SPRED2: variants seen among roughly 807,000 people sequenced by gnomAD.
SPRED2 encodes sprouty-related, EVH1 domain-containing protein 2.
A neutral mutation model predicts 43.0 loss-of-function variants in SPRED2; 47 were observed. The observed-to-expected ratio is 1.09, with a 90% CI of 0.87 to 1.40. The LOEUF is 1.40. SPRED2 is among the 40% of genes most tolerant of loss of function. The pLI is 0.00. For missense variants in SPRED2, 561 were observed against 586.4 expected, an observed-to-expected ratio of 0.96 and a Z score of 0.45; for synonymous variants, 225 against 225.7, an observed-to-expected ratio of 1.00 and a Z score of 0.03.
chr2:65,326,847 A>C (rs1042427830), intron 4 of SPRED2, among the ~76,000 whole-genome samples: 3 of 151,972 alleles, frequency 2.0e-5, no homozygotes, highest in African/African-American at 7.3e-5. Flanking sequence ...TTAAAAAAAC[A>C]ATTTTTTTTT....
chr2:65,373,830 T>C (rs1292013877), intron 1 of SPRED2: 1 of 152,230 alleles, frequency 6.6e-6, no homozygotes, highest in Non-Finnish European at 1.5e-5. Flanking sequence ...TTATCTTTTA[T>C]TGGCTTCTAC....
intron 3 of SPRED2, among the ~76,000 whole-genome samples, chr2:65,332,626 G>A (rs1409734039): frequency 6.6e-6 from 1 of 152,172 alleles, no homozygotes; most frequent in Non-Finnish European, 1.5e-5. Context: ...CCTGTGCAAG[G>A]GGGTTTCCTC....
intron 1 of SPRED2, among the ~76,000 whole-genome samples, chr2:65,431,074 C>T (rs1011235774): frequency 4.6e-5 from 7 of 152,006 alleles, no homozygotes; most frequent in Non-Finnish European, 7.4e-5. Context: ...GGCAGCTGCA[C>T]CTCCGCCCCG....
intron 2 of SPRED2, among the ~76,000 whole-genome samples, chr2:65,336,718 C>A (rs542375685): frequency 6.6e-6 from 1 of 152,328 alleles, no homozygotes; most frequent in East Asian, 1.9e-4. Flanking sequence ...AAAACAAAGA[C>A]TCCTAGTTTC....
intron 1 of SPRED2, among the ~76,000 whole-genome samples, chr2:65,399,011 G>A (rs1675819592): frequency 6.6e-6 from 1 of 152,204 alleles, no homozygotes; most frequent in Non-Finnish European, 1.5e-5. Flanking sequence ...GGGCGCGGTG[G>A]CTCATGCCTG....
At chr2:65,347,460 C>A (rs1674385582) in intron 1 of SPRED2, among the ~76,000 whole-genome samples, 1 of 151,960 alleles carries the variant, frequency 6.6e-6, no homozygotes, top group East Asian at 1.9e-4. Context: ...CTTCACATGG[C>A]CTCCTACCCC....
intron 2 of SPRED2, among the ~76,000 whole-genome samples, chr2:65,342,193 C>CGTATATTATGTATGTATATTTTATATAA (rs1674206739): frequency 6.8e-6 from 1 of 146,270 alleles, no homozygotes; most frequent in African/African-American, 2.5e-5. Flanking sequence ...ATTTTATATA[C>CGTATATTATGTATGTATATTTTATATAA]GTATATTATG....
At chr2:65,392,392 T>G (rs1675660633) in intron 1 of SPRED2, among the ~76,000 whole-genome samples, 1 of 151,824 alleles carries the variant, frequency 6.6e-6, no homozygotes, top group Admixed American at 6.6e-5. Context: ...CCCAGGCTGG[T>G]CTCGAACTCT....
chr2:65,342,505 A>G (rs887356125), intron 2 of SPRED2, among the ~76,000 whole-genome samples: 12 of 151,044 alleles, frequency 7.9e-5, no homozygotes, highest in African/African-American at 2.9e-4. Context: ...TGTATATTTT[A>G]TATCCCTCAA....
In SPRED2 at chr2:65,376,859, C is replaced by T. The variant is rs546348148; in HGVS notation, c.27-31963G>A. The stretch of plus-strand genomic sequence containing the variant: ...CCTCCTGAGTAGCTGGGACTACAGA[C>T]GCCCGCCACCATGCCCGGCTAATTT... On this transcript the variant is annotated intron_variant, in intron 1 of 5. Coordinates refer to ENST00000356388, the MANE Select transcript of SPRED2 (RefSeq NM_181784.3). Among the ~76,000 whole-genome samples, 26 of 152,204 alleles carry T rather than the reference C, an allele frequency of 1.7e-4. No homozygotes were observed. The South Asian group carries it at 3.1e-3, about 18-fold the overall frequency.
At chr2:65,377,466 C>T (rs1675268417) in intron 1 of SPRED2, 1 of 401,304 alleles carries the variant, frequency 2.5e-6, no homozygotes, top group East Asian at 7.3e-5. Context: ...CTCCTCTTGC[C>T]GACCCCCCAA....
At chr2:65,355,490 G>A (rs922895066) in intron 1 of SPRED2, among the ~76,000 whole-genome samples, 3 of 152,138 alleles carry the variant, frequency 2.0e-5, no homozygotes, top group African/African-American at 7.2e-5. Context: ...GACGAGGCAG[G>A]TGGATCACCC....
chr2:65,331,354 C>G (rs1401095116), intron 4 of SPRED2, among the ~76,000 whole-genome samples: 3 of 152,236 alleles, frequency 2.0e-5, no homozygotes, highest in Non-Finnish European at 4.4e-5. Flanking sequence ...TGTTAATTAA[C>G]TTCTAGAAGC....
At chr2:65,368,231 C>T (rs1474712010) in intron 1 of SPRED2, among the ~76,000 whole-genome samples, 2 of 152,210 alleles carry the variant, frequency 1.3e-5, no homozygotes, top group South Asian at 2.1e-4. Context: ...AATAGGACTT[C>T]AAACTGGCTC....
intron 1 of SPRED2, among the ~76,000 whole-genome samples, chr2:65,420,628 T>C (rs1475868141): frequency 6.6e-6 from 1 of 152,230 alleles, no homozygotes; most frequent in Non-Finnish European, 1.5e-5. Context: ...TGTTAAAGTG[T>C]TTAATCAGGA....
intron 1 of SPRED2, among the ~76,000 whole-genome samples, chr2:65,373,311 A>C (rs922466121): frequency 6.6e-6 from 1 of 152,172 alleles, no homozygotes; most frequent in African/African-American, 2.4e-5. Flanking sequence ...CCTAACAATA[A>C]AAGTACCCCA....
At chr2:65,412,869 T>C (rs1318820397) in intron 1 of SPRED2, among the ~76,000 whole-genome samples, 1 of 152,210 alleles carries the variant, frequency 6.6e-6, no homozygotes, top group Non-Finnish European at 1.5e-5. Flanking sequence ...CATTTGGCAG[T>C]CCTACAGTTA....
chr2:65,413,186 TC>T (rs144440714), intron 1 of SPRED2, among the ~76,000 whole-genome samples: 442 of 152,324 alleles, frequency 2.9e-3, no homozygotes, highest in African/African-American at 0.01. Context: ...ATGTTTCTCC[TC>T]TAAGGCCCAG....
At chr2:65,338,827 GGCC>G (rs1486990721) in intron 2 of SPRED2, among the ~76,000 whole-genome samples, 1 of 151,558 alleles carries the variant, frequency 6.6e-6, no homozygotes, top group East Asian at 2.0e-4. Context: ...GTCTCTGCCC[GGCC>G]GCCATCCCAC....
Sources: allele counts gnomAD v4.1 joint callset (sites outside exome capture counted in the v4.1 genomes callset), GRCh38; gene constraint gnomAD v4.1.1; transcripts MANE v1.5; gene names NCBI Gene and HGNC (gene_info 2026-07-23, HGNC 2026-07-21).